The following MYO16 variants were observed in gnomAD, a reference collection of about 807,000 sequenced individuals.
MYO16 encodes myosin XVI.
MYO16 carries 94 observed loss-of-function variants against 205.3 expected under a neutral mutation model. The observed-to-expected ratio is 0.46, with a 90% CI of 0.39 to 0.54. MYO16 has a LOEUF of 0.54. MYO16 is among the 20% of genes least tolerant of loss of function. The pLI is 0.00. For synonymous variants in MYO16, 988 were observed against 954.0 expected, an observed-to-expected ratio of 1.04 and a Z score of -0.66; for missense variants, 2,315 against 2,387.5, an observed-to-expected ratio of 0.97 and a Z score of 0.63.
intron 27 of MYO16, among the ~76,000 whole-genome samples, chr13:109,061,648 T>A (rs2139627523): frequency 6.6e-6 from 1 of 152,258 alleles, no homozygotes; most frequent in South Asian, 2.1e-4. Flanking sequence ...AAAACAATTA[T>A]AATAGTCACA....
intron 1 of MYO16, among the ~76,000 whole-genome samples, chr13:108,605,579 T>C (rs1053328086): frequency 6.6e-6 from 1 of 152,208 alleles, no homozygotes; most frequent in Non-Finnish European, 1.5e-5. Context: ...TCCTTCACTT[T>C]ACACTTTTCT....
chr13:109,149,336 C>T (rs1877520075), intron 32 of MYO16, among the ~76,000 whole-genome samples: 1 of 152,164 alleles, frequency 6.6e-6, no homozygotes. Flanking sequence ...CCTTTCTCCC[C>T]CTGGACCCTT....
intron 31 of MYO16, among the ~76,000 whole-genome samples, chr13:109,129,660 G>A (rs1370313755): frequency 6.6e-6 from 1 of 152,102 alleles, no homozygotes; most frequent in Admixed American, 6.5e-5. Context: ...TATCTAAAAT[G>A]CTAAGACCGA....
rs146279744 is a variant in MYO16 at position 108,740,521 on chromosome 13, C to G, written c.507+12938C>G. Among the ~76,000 whole-genome samples the G allele has an allele frequency of 3.4e-3, 523 of 152,226 alleles. 2 individuals are homozygous for G. Among genetic ancestry groups the G allele is most frequent in the African/African-American group, 0.012 (500 of 41,544 alleles). On this transcript the variant is annotated intron_variant, in intron 4 of 34. Transcript: ENST00000457511. ...GCTTCATCTCAGAGGGGTACCCAGC[C>G]TTGTGAGATGTCAGTCTGCCCCTAC...
At chr13:108,735,410 C>T (rs190846035) in intron 4 of MYO16, among the ~76,000 whole-genome samples, 85 of 151,182 alleles carry the variant, frequency 5.6e-4, no homozygotes, top group African/African-American at 2.0e-3. Flanking sequence ...TCATTTCCAG[C>T]TTCATCCATG....
chr13:109,011,937 T>G (rs1885616808), intron 22 of MYO16, among the ~76,000 whole-genome samples: 1 of 152,154 alleles, frequency 6.6e-6, no homozygotes, highest in Non-Finnish European at 1.5e-5. Context: ...GTGGTATGGT[T>G]TGGTAACCTC....
At chr13:108,999,298 T>C (rs1028749043) in intron 21 of MYO16, among the ~76,000 whole-genome samples, 2 of 152,246 alleles carry the variant, frequency 1.3e-5, no homozygotes, top group African/African-American at 4.8e-5. Flanking sequence ...AATATCTACC[T>C]CTATCTTAAA....
chr13:109,051,425 T>A (rs1237135332), intron 24 of MYO16, among the ~76,000 whole-genome samples: 1 of 152,186 alleles, frequency 6.6e-6, no homozygotes, highest in African/African-American at 2.4e-5. Flanking sequence ...GTGATTTATG[T>A]TCATTATTTC....
intron 21 of MYO16, among the ~76,000 whole-genome samples, chr13:109,001,288 G>A (rs1007013342): frequency 6.6e-6 from 1 of 152,090 alleles, no homozygotes; most frequent in Non-Finnish European, 1.5e-5. Context: ...GGTAGCTGTG[G>A]GTGGTAGCGA....
intron 32 of MYO16, among the ~76,000 whole-genome samples, chr13:109,145,509 A>C (rs1283679556): frequency 6.6e-6 from 1 of 152,266 alleles, no homozygotes. Flanking sequence ...GGTATGTATA[A>C]TTCTGGGATA....
chr13:108,648,295 G>A lies in MYO16; in HGVS notation c.29-17591G>A, dbSNP rs185090063. Among the ~76,000 whole-genome samples the A allele has an allele frequency of 7.5e-4, 114 of 152,264 alleles. 1 individual carries two copies. The highest frequency in any genetic ancestry group is 2.6e-3 in the African/African-American group (107 of 41,556). On this transcript the variant is annotated intron_variant, in intron 1 of 34. Coordinates refer to ENST00000457511, the MANE Select transcript of MYO16 (RefSeq NM_001198950.3). ...CAGTGGTGTCTCCATATCCCAGGAG[G>A]AGAAGCACTGAATACTGATTTTCAC... is the stretch of plus-strand genomic sequence containing the variant.
chr13:108,554,103 T>G, the MYO16 span, among the ~76,000 whole-genome samples: 2 of 152,188 alleles, frequency 1.3e-5, no homozygotes, highest in Non-Finnish European at 2.9e-5. Flanking sequence ...GCAAATACTC[T>G]GTCTTTATTT....
intron 1 of MYO16, among the ~76,000 whole-genome samples, chr13:108,636,352 TTTTTTTTTTTTTTTTTTTG>T (rs1394339657): frequency 3.6e-4 from 8 of 22,298 alleles, no homozygotes; most frequent in African/African-American, 1.7e-3. Context: ...TTCCCTTTTT[TTTTTTTTTTTTTTTTTTTG>T]TGTGTGTGTG....
At chr13:108,551,241 C>T in the MYO16 span, among the ~76,000 whole-genome samples, 1 of 152,156 alleles carries the variant, frequency 6.6e-6, no homozygotes, top group Non-Finnish European at 1.5e-5. Flanking sequence ...CTTATTTACA[C>T]CTTCAGCCCA....
chr13:108,986,779 G>C (rs945574158), intron 20 of MYO16, among the ~76,000 whole-genome samples: 1 of 152,068 alleles, frequency 6.6e-6, no homozygotes, highest in Non-Finnish European at 1.5e-5. Context: ...CTCAAATGCA[G>C]ACAGTGCCCT....
chr13:108,532,840 T>C, the MYO16 span, among the ~76,000 whole-genome samples: 6 of 152,010 alleles, frequency 3.9e-5, no homozygotes, highest in Non-Finnish European at 8.8e-5. Flanking sequence ...GGTTTGTATA[T>C]GAGAGGACAC....
chr13:109,120,577 T>G, intron 29 of MYO16, 111 bp downstream of exon 29: 1 of 654,996 alleles, frequency 1.5e-6, no homozygotes, highest in Non-Finnish European at 2.4e-6. Flanking sequence ...AGTGGACCAC[T>G]CTCTCGATTC....
At chr13:109,006,082 A>G (rs1302884768) in intron 21 of MYO16, among the ~76,000 whole-genome samples, 1 of 152,162 alleles carries the variant, frequency 6.6e-6, no homozygotes, top group Non-Finnish European at 1.5e-5. Flanking sequence ...TAGAAGGAGG[A>G]CATGAATGCC....
intron 32 of MYO16, among the ~76,000 whole-genome samples, chr13:109,142,962 C>T (rs1162474922): frequency 2.0e-5 from 3 of 152,090 alleles, no homozygotes; most frequent in Non-Finnish European, 1.5e-5. Context: ...TTGTTCAAAA[C>T]GCCAAGAACC....
Sources: allele counts gnomAD v4.1 joint callset (sites outside exome capture counted in the v4.1 genomes callset), GRCh38; gene constraint gnomAD v4.1.1; transcripts MANE v1.5; gene names NCBI Gene and HGNC (gene_info 2026-07-23, HGNC 2026-07-21).